DAB1: variants seen among roughly 807,000 people sequenced by gnomAD.
The protein encoded by DAB1 is disabled homolog 1.
DAB1 carries 15 observed loss-of-function variants against 64.6 expected under a neutral mutation model. The ratio of observed to expected loss-of-function variants is 0.23; its 90% CI spans 0.16 to 0.36. The LOEUF is 0.36. Ranked by LOEUF, DAB1 falls within the 10% of genes least tolerant of loss-of-function variation. The probability of loss-of-function intolerance (pLI) is 1.00; values close to 1 mark genes in which losing one functional copy is unlikely to be tolerated. For missense variants in DAB1, 596 were observed against 706.7 expected, an observed-to-expected ratio of 0.84 and a Z score of 1.78; for synonymous variants, 235 against 251.9, an observed-to-expected ratio of 0.93 and a Z score of 0.64.
intron 1 of DAB1, chr1:58,530,466 A>G (rs555581847): frequency 3.5e-6 from 2 of 564,220 alleles, no homozygotes; most frequent in Non-Finnish European, 6.3e-6. Context: ...AAACGAGAAA[A>G]CATAAGACAC....
intron 3 of DAB1, among the ~76,000 whole-genome samples, chr1:57,143,887 T>C (rs1331928068): frequency 6.6e-6 from 1 of 151,802 alleles, no homozygotes; most frequent in Non-Finnish European, 1.5e-5. Context: ...AGTCATGTCT[T>C]CATGGGCTAT....
At chr1:57,252,317 C>A (rs1217905532) in intron 2 of DAB1, among the ~76,000 whole-genome samples, 1 of 152,174 alleles carries the variant, frequency 6.6e-6, no homozygotes, top group Non-Finnish European at 1.5e-5. Context: ...CTAAGTCCTG[C>A]ATTAGCAACT....
chr1:58,022,571 C>T (rs965317791), intron 5 of DAB1, among the ~76,000 whole-genome samples: 1 of 152,092 alleles, frequency 6.6e-6, no homozygotes, highest in Non-Finnish European at 1.5e-5. Flanking sequence ...ATTATTATCA[C>T]TATTGATACC....
At chr1:58,175,877 C>T (rs559604288) in intron 4 of DAB1, among the ~76,000 whole-genome samples, 57 of 152,310 alleles carry the variant, frequency 3.7e-4, no homozygotes, top group African/African-American at 1.3e-3. Flanking sequence ...TCACAGCCCA[C>T]AGATGCGTCT....
At chr1:57,770,320 T>C (rs1005493953) in intron 6 of DAB1, among the ~76,000 whole-genome samples, 4 of 152,130 alleles carry the variant, frequency 2.6e-5, no homozygotes, top group Non-Finnish European at 5.9e-5. Flanking sequence ...CAGGCTGGAG[T>C]GCAGTGGTGT....
chr1:57,269,825 G>A (rs377621916), intron 2 of DAB1, among the ~76,000 whole-genome samples: 3 of 152,180 alleles, frequency 2.0e-5, no homozygotes, highest in East Asian at 1.9e-4. Context: ...GTTGTTGCCC[G>A]GTAATCCTCC....
chr1:57,005,839 TAAA>T (rs1368512173), intron 14 of DAB1, among the ~76,000 whole-genome samples: 1 of 152,204 alleles, frequency 6.6e-6, no homozygotes, highest in Non-Finnish European at 1.5e-5. Context: ...ATGGGAATAA[TAAA>T]AATACCTGAG....
chr1:57,840,230 A>G (rs1471671857), intron 1 of DAB1, among the ~76,000 whole-genome samples: 1 of 152,198 alleles, frequency 6.6e-6, no homozygotes, highest in East Asian at 1.9e-4. Context: ...AGAGGTAAAC[A>G]ATTAAGGTAT....
chr1:58,366,005 C>T (rs1269256352), intron 3 of DAB1, among the ~76,000 whole-genome samples: 2 of 152,106 alleles, frequency 1.3e-5, no homozygotes, highest in African/African-American at 4.8e-5. Context: ...GAAACAGGCC[C>T]TGGCAAAAAC....
chr1:57,010,736 C>T lies in DAB1; in HGVS notation c.1627G>A (p.Glu543Lys). The T allele has an allele frequency of 6.3e-7, 1 of 1,597,204 alleles. No individual in the cohort carries two copies. The highest frequency in any genetic ancestry group is 8.6e-7 in the Non-Finnish European group (1 of 1,169,106). The change falls in exon 14 of 15, where the codon GAG (glutamate) becomes AAG (lysine). Residue 543 changes from glutamate to lysine, a missense_variant. By Grantham distance (56) the Glu-to-Lys change is moderately conservative (BLOSUM62 1). Around this residue, in one of 3 missense-constraint regions of DAB1, gnomAD observed 377 missense variants for 400.4 expected, o/e 0.94. Coordinates refer to ENST00000371236, the MANE Select transcript of DAB1 (RefSeq NM_001365792.1). The part of the protein sequence containing the change: ...NSDPFGEPSG[E>K]PSGDNISPQA... ...GGACTTATATTATCACCACTGGGCT[C>T]CCCACTGGGCTCACCAAATGGATCA...
At chr1:58,323,743 G>A (rs112205565) in intron 4 of DAB1, among the ~76,000 whole-genome samples, 2,096 of 152,012 alleles carry the variant, frequency 0.014, 58 homozygotes, top group African/African-American at 0.048. Flanking sequence ...GGCTAACACG[G>A]TGAAACCTCG....
chr1:57,895,352 G>T (rs1644377590), intron 5 of DAB1, among the ~76,000 whole-genome samples: 1 of 152,170 alleles, frequency 6.6e-6, no homozygotes, highest in South Asian at 2.1e-4. Flanking sequence ...TTTGCCCAAG[G>T]TCACACAGCT....
chr1:57,204,306 GCA>G lies in DAB1; in HGVS notation c.68-58879_68-58878del, dbSNP rs71741997. Among the ~76,000 whole-genome samples the G allele has an allele frequency of 8.5e-4, 130 of 152,104 alleles. 1 individual carries two copies. The East Asian group carries it at 0.02, about 24-fold the overall frequency. ...TTGGAAATCCCCAAATCTAAAAAAAGCACAGTTATTTTGAAATGGGAGTGGGG... is the reference window on the plus strand; with the variant it reads ...TTGGAAATCCCCAAATCTAAAAAAAGCAGTTATTTTGAAATGGGAGTGGGG... On this transcript the variant is annotated intron_variant, in intron 2 of 14. Transcript: ENST00000371236.
chr1:58,323,145 C>T (rs574743284), intron 4 of DAB1, among the ~76,000 whole-genome samples: 97 of 151,874 alleles, frequency 6.4e-4, no homozygotes, highest in South Asian at 2.3e-3. Flanking sequence ...ACGTAAATGA[C>T]GACTTAATGG....
At chr1:57,773,510 T>C (rs1283863739) in intron 6 of DAB1, among the ~76,000 whole-genome samples, 1 of 152,062 alleles carries the variant, frequency 6.6e-6, no homozygotes, top group East Asian at 1.9e-4. Flanking sequence ...TTTTTAATTC[T>C]AGTGAAGTAA....
rs61007751 is a variant in DAB1, at chr1:57,636,096, C to CAAAAAAAAAAAA, written n.625+13484_625+13495dup. Among the ~76,000 whole-genome samples the CAAAAAAAAAAAA allele has an allele frequency of 3.7e-4, 24 of 64,914 alleles. 1 individual carries two copies. The highest frequency in any genetic ancestry group is 1.1e-3 in the African/African-American group (17 of 15,794). 42.6% of individuals were successfully genotyped at this position (64,914 alleles called of 152,430 possible). A position where few individuals can be genotyped will look rare whatever the true frequency, so the allele number is the denominator to read the frequency against. Reference sequence around the variant, plus strand: ...TGGGCAAAAGAGCGAGACACGGTCTCAAAAAAAAAAAAAAAAACAAAAACA... The same window carrying CAAAAAAAAAAAA: ...TGGGCAAAAGAGCGAGACACGGTCTCAAAAAAAAAAAAAAAAAAAAAAAAAAAAACAAAAACA... On this transcript the variant is annotated intron_variant and non_coding_transcript_variant, in intron 7 of 20. Transcript: ENST00000485760.
intron 1 of DAB1, among the ~76,000 whole-genome samples, chr1:57,325,125 A>T (rs1056358074): frequency 1.3e-5 from 2 of 152,180 alleles, no homozygotes; most frequent in Non-Finnish European, 2.9e-5. Flanking sequence ...CTGGGTAGAG[A>T]CTGTGACTTC....
intron 3 of DAB1, among the ~76,000 whole-genome samples, chr1:58,406,424 T>A (rs1644616016): frequency 1.3e-5 from 2 of 152,392 alleles, no homozygotes; most frequent in South Asian, 4.1e-4. Flanking sequence ...TTGAAGTCCC[T>A]GGAAGGCAGT....
In DAB1 at chr1:57,364,625, G is replaced by A. The variant is rs528279644; in HGVS notation, c.-137+59305C>T. On this transcript the variant is annotated intron_variant, in intron 1 of 14. Transcript: ENST00000371236. ...ATTTGTAGCAATATATTTCATAATA[G>A]CAAAAAAACTGGATATTAGCCAAAC... Among the ~76,000 whole-genome samples, 22 of 151,676 alleles carry A rather than the reference G, an allele frequency of 1.5e-4. No individual in the cohort carries two copies. In the East Asian group the frequency reaches 3.9e-3, roughly 27 times the overall value.
Sources: gnomAD v4.1 joint callset for allele counts (sites outside exome capture counted in the v4.1 genomes callset) on GRCh38, gnomAD v4.1.1 for gene constraint, gnomAD v4.1.1 regional missense constraint, MANE v1.5 for transcripts, NCBI Gene and HGNC (gene_info 2026-07-23, HGNC 2026-07-21) for gene names.